SVIL: variants seen among roughly 807,000 people sequenced by gnomAD.
SVIL encodes the protein supervillin, also known as archvillin.
In SVIL, 101 loss-of-function variants were observed where a neutral mutation model predicts 240.4. The ratio of observed to expected loss-of-function variants is 0.42; its 90% CI spans 0.36 to 0.50. SVIL has a LOEUF of 0.50. SVIL is among the 20% of genes least tolerant of loss of function. The probability of loss-of-function intolerance (pLI) is 0.01; values close to 1 mark genes in which losing one functional copy is unlikely to be tolerated. For synonymous variants in SVIL, 999 were observed against 1,100.0 expected (o/e 0.91, Z 1.82); for missense variants, 2,512 against 2,818.7 (o/e 0.89, Z 2.46).
chr10:29,548,906 A>G (rs1289646055), intron 6 of SVIL, among the ~76,000 whole-genome samples: 1 of 152,258 alleles, frequency 6.6e-6, no homozygotes, highest in Admixed American at 6.5e-5. Context: ...AAGTGTCCCC[A>G]TGACACCTGT....
At chr10:29,667,096 C>T (rs1959365001) in intron 2 of SVIL, among the ~76,000 whole-genome samples, 1 of 151,938 alleles carries the variant, frequency 6.6e-6, no homozygotes. Flanking sequence ...TTTTTTTCAT[C>T]AAGTTAAACT....
At position 29,536,014 on chromosome 10, in the gene SVIL, G is replaced by C; in HGVS notation, c.883C>G (p.Pro295Ala). 1 of 1,614,238 alleles carries C rather than the reference G, an allele frequency of 6.2e-7. No individual in the cohort carries two copies. The highest frequency in any genetic ancestry group is 8.5e-7 in the Non-Finnish European group (1 of 1,180,050). ...FLQKDSEGDT[P>A]SLINWPSRVK... ...CTGGAAGGCCAGTTGATAAGTGAAG[G>C]TGTGTCCCCTTCGGAATCTTTCTGG... The change falls in exon 7 of 38, where the codon CCT becomes GCT. Residue 295 changes from proline to alanine, a missense_variant. Around this residue, in one of 3 missense-constraint regions of SVIL, gnomAD observed 1,443 missense variants for 1,486.6 expected, o/e 0.97. Coordinates refer to ENST00000355867, the MANE Select transcript of SVIL (RefSeq NM_021738.3).
At position 29,714,551 on chromosome 10, in the gene SVIL, G is replaced by C. The variant is rs538797966; in HGVS notation, c.-400+21200C>G. ...TACTAAAGCACACTTTGTATTTTAT[G>C]AATCATCAGTGATGAGTAAGTACAG... On this transcript the variant is annotated intron_variant, in intron 1 of 35. Coordinates refer to the SVIL transcript ENST00000375400. Among the ~76,000 whole-genome samples the C allele has an allele frequency of 2.0e-5, 3 of 152,302 alleles. No homozygotes were observed. The South Asian group carries it at 6.2e-4, about 32-fold the overall frequency.
At chr10:29,541,924 C>G (rs754336033) in intron 6 of SVIL, among the ~76,000 whole-genome samples, 1 of 152,112 alleles carries the variant, frequency 6.6e-6, no homozygotes, top group Non-Finnish European at 1.5e-5. Flanking sequence ...ATACAAGAAC[C>G]CCAATCCCAG....
At chr10:29,479,537 CCTG>C (rs1946598673) in intron 29 of SVIL, among the ~76,000 whole-genome samples, 1 of 152,186 alleles carries the variant, frequency 6.6e-6, no homozygotes, top group South Asian at 2.1e-4. Flanking sequence ...GCGAGGCCCA[CCTG>C]CTGGCTGTTC....
At chr10:29,538,275 A>C (rs907137533) in intron 6 of SVIL, among the ~76,000 whole-genome samples, 3 of 152,242 alleles carry the variant, frequency 2.0e-5, no homozygotes, top group African/African-American at 7.2e-5. Context: ...TTGTGTAAGA[A>C]TGTTGGCTCA....
At chr10:29,471,072 G>T in intron 31 of SVIL, 66 bp downstream of exon 31, 1 of 1,420,994 alleles carries the variant, frequency 7.0e-7, no homozygotes, top group Non-Finnish European at 9.7e-7. Context: ...TCAGCCCCCA[G>T]CTTATAAAAA....
upstream of SVIL, among the ~76,000 whole-genome samples, chr10:29,639,015 G>A (rs1389984354): frequency 2.0e-5 from 3 of 152,134 alleles, no homozygotes; most frequent in African/African-American, 7.2e-5. Flanking sequence ...GGCTGGTCTT[G>A]AACTCTTGGG....
At chr10:29,625,484 G>C (rs1386846852) in intron 1 of SVIL, among the ~76,000 whole-genome samples, 1 of 151,638 alleles carries the variant, frequency 6.6e-6, no homozygotes, top group East Asian at 1.9e-4. Context: ...TTTTTTTTGA[G>C]ACGGAGTCTC....
intron 2 of SVIL, among the ~76,000 whole-genome samples, chr10:29,678,888 G>T (rs117383122): frequency 0.018 from 2,812 of 152,290 alleles, 43 homozygotes; most frequent in Middle Eastern, 0.037. Flanking sequence ...TGGTTTGCTT[G>T]TAGCAGCCTG....
At chr10:29,704,574 C>T (rs772266248) in intron 1 of SVIL, among the ~76,000 whole-genome samples, 23 of 152,286 alleles carry the variant, frequency 1.5e-4, no homozygotes, top group African/African-American at 5.3e-4. Context: ...CATGGGTTCT[C>T]ATGTAGAGTA....
chr10:29,516,447 G>A (rs891031456), intron 16 of SVIL, among the ~76,000 whole-genome samples: 1 of 152,258 alleles, frequency 6.6e-6, no homozygotes, highest in East Asian at 1.9e-4. Flanking sequence ...TGTCCACCAC[G>A]CTGAGGAGGG....
intron 3 of SVIL, chr10:29,647,348 C>T (rs1247299598): frequency 1.3e-5 from 2 of 151,186 alleles, no homozygotes; most frequent in Non-Finnish European, 2.9e-5. Context: ...TTCTTTTTTG[C>T]ACAGCTGTAT....
intron 1 of SVIL, among the ~76,000 whole-genome samples, chr10:29,705,053 A>C (rs1174724724): frequency 6.6e-6 from 1 of 152,208 alleles, no homozygotes; most frequent in Non-Finnish European, 1.5e-5. Context: ...TGAGACTAGG[A>C]ATGAGAGCCT....
chr10:29,683,962 T>C (rs2132594377), intron 2 of SVIL, among the ~76,000 whole-genome samples: 1 of 152,224 alleles, frequency 6.6e-6, no homozygotes, highest in East Asian at 1.9e-4. Flanking sequence ...CCCCAAATCA[T>C]GACAGAAGCA....
At chr10:29,689,367 C>T (rs1961327897) in intron 1 of SVIL, among the ~76,000 whole-genome samples, 1 of 152,178 alleles carries the variant, frequency 6.6e-6, no homozygotes, top group African/African-American at 2.4e-5. Context: ...TCTCTGCAAC[C>T]TCCGCCTCCC....
chr10:29,680,698 C>T (rs1488792416), intron 2 of SVIL, among the ~76,000 whole-genome samples: 1 of 152,138 alleles, frequency 6.6e-6, no homozygotes, highest in Non-Finnish European at 1.5e-5. Context: ...GCGGGTGGAT[C>T]ACTTGAGGTC....
chr10:29,457,966 G>C lies in SVIL; in HGVS notation c.*281C>G. 1 of 260,168 alleles carries C rather than the reference G, an allele frequency of 3.8e-6. No homozygotes were observed. Among genetic ancestry groups the C allele is most frequent in the Non-Finnish European group, 7.1e-6 (1 of 140,202 alleles). 16.1% of individuals were successfully genotyped at this position (260,168 alleles called of 1,614,324 possible). A position where few individuals can be genotyped will look rare whatever the true frequency, so the allele number is the denominator to read the frequency against. ...GGCATTGCCTAGCTGGAACAAGAAGGCAGTGCTATCTATAGCAGCTGCGGC... is the reference window on the plus strand; with the variant it reads ...GGCATTGCCTAGCTGGAACAAGAAGCCAGTGCTATCTATAGCAGCTGCGGC... On this transcript the variant is annotated 3_prime_UTR_variant, in exon 38 of 38. Transcript: ENST00000355867.
chr10:29,481,841 C>T (rs1348704449), intron 27 of SVIL, 113 bp from the exon 28 acceptor site: 18 of 908,970 alleles, frequency 2.0e-5, no homozygotes, highest in Middle Eastern at 6.9e-4. Flanking sequence ...CCTCAAAGTA[C>T]GTGAGTACAT....
Sources: gnomAD v4.1 joint callset for allele counts (sites outside exome capture counted in the v4.1 genomes callset) on GRCh38, gnomAD v4.1.1 for gene constraint, gnomAD v4.1.1 regional missense constraint, MANE v1.5 for transcripts, NCBI Gene and HGNC (gene_info 2026-07-23, HGNC 2026-07-21) for gene names.